TRHDE: variants seen among roughly 807,000 people sequenced by gnomAD.
TRHDE encodes the protein thyrotropin-releasing hormone-degrading ectoenzyme.
A neutral mutation model predicts 125.7 loss-of-function variants in TRHDE; 72 were observed. The ratio of observed to expected loss-of-function variants is 0.57; its 90% CI spans 0.47 to 0.70. TRHDE has a LOEUF of 0.70. Among genes scored for constraint, TRHDE ranks in the 30% least tolerant of loss-of-function variants. The pLI is 0.00. For missense variants in TRHDE, 1,110 were observed against 1,327.1 expected (o/e 0.84, Z 2.54); for synonymous variants, 509 against 509.1 (o/e 1.00, Z 0.00).
rs11446527 is a variant in TRHDE at position 72,594,502 on chromosome 12, G to GTTTTT, written c.2321+18972_2321+18976dup. Among the ~76,000 whole-genome samples, 7 of 136,012 alleles carry GTTTTT rather than the reference G, an allele frequency of 5.1e-5. 1 individual carries two copies. In the East Asian group the frequency reaches 1.1e-3, roughly 21 times the overall value. 89.2% of individuals were successfully genotyped at this position (136,012 alleles called of 152,430 possible). A position where few individuals can be genotyped will look rare whatever the true frequency, so the allele number is the denominator to read the frequency against. Reference sequence around the variant, plus strand: ...TAAAGCTCTGGGATTACAGATGTGAGTTTTTTTTTTTTTTTTAATATTACT... The same window carrying GTTTTT: ...TAAAGCTCTGGGATTACAGATGTGAGTTTTTTTTTTTTTTTTTTTTTAATATTACT... On this transcript the variant is annotated intron_variant, in intron 12 of 18. Coordinates refer to ENST00000261180, the MANE Select transcript of TRHDE (RefSeq NM_013381.3).
chr12:72,247,703 C>T (rs527660402), intron 2 of TRHDE, among the ~76,000 whole-genome samples: 2 of 152,264 alleles, frequency 1.3e-5, no homozygotes, highest in African/African-American at 4.8e-5. Flanking sequence ...AAATATAATA[C>T]AATTATCACA....
chr12:72,175,294 AAGGTCCAGCCATG>A (rs748521112), intron 2 of TRHDE, among the ~76,000 whole-genome samples: 7 of 152,224 alleles, frequency 4.6e-5, no homozygotes, highest in Non-Finnish European at 1.0e-4. Context: ...TGATATCCTC[AAGGTCCAGCCATG>A]CTGTCCTACA....
chr12:72,136,481 A>AT (rs1446393317), intron 2 of TRHDE, among the ~76,000 whole-genome samples: 3 of 152,222 alleles, frequency 2.0e-5, no homozygotes, highest in Non-Finnish European at 4.4e-5. Flanking sequence ...CCATTGACCT[A>AT]TAAGCAGGTG....
intron 1 of TRHDE, among the ~76,000 whole-genome samples, chr12:72,104,008 C>T (rs942199041): frequency 1.3e-5 from 2 of 152,066 alleles, no homozygotes; most frequent in African/African-American, 4.8e-5. Flanking sequence ...TTCTCTGTGA[C>T]TTCTGACCTC....
At chr12:72,576,398 C>G (rs935963018) in intron 12 of TRHDE, among the ~76,000 whole-genome samples, 43 of 151,914 alleles carry the variant, frequency 2.8e-4, no homozygotes, top group African/African-American at 9.9e-4. Context: ...TTTCATGGGA[C>G]CTGAAACTGC....
chr12:72,399,205 A>G (rs1872932203), intron 3 of TRHDE, among the ~76,000 whole-genome samples: 1 of 152,206 alleles, frequency 6.6e-6, no homozygotes, highest in African/African-American at 2.4e-5. Context: ...ATTATCTTCC[A>G]CAAAACTGGT....
At chr12:72,486,061 G>A (rs1166137770) in intron 5 of TRHDE, among the ~76,000 whole-genome samples, 1 of 152,116 alleles carries the variant, frequency 6.6e-6, no homozygotes, top group Non-Finnish European at 1.5e-5. Flanking sequence ...CTGCATTGCT[G>A]CTGTATCCTG....
chr12:72,580,861 T>C (rs1871193356), intron 12 of TRHDE, among the ~76,000 whole-genome samples: 1 of 152,230 alleles, frequency 6.6e-6, no homozygotes, highest in African/African-American at 2.4e-5. Flanking sequence ...GGAAGATGCA[T>C]GGTACGTAAC....
chr12:72,238,299 TATATATATATATATATATATATAC>T (rs1307367685), intron 2 of TRHDE, among the ~76,000 whole-genome samples: 18 of 33,322 alleles, frequency 5.4e-4, no homozygotes, highest in African/African-American at 1.7e-3. Flanking sequence ...TATATATATA[TATATATATATATATATATATATAC>T]ATATATATAT....
intron 7 of TRHDE, among the ~76,000 whole-genome samples, chr12:72,558,132 T>C (rs964502457): frequency 6.6e-6 from 1 of 152,044 alleles, no homozygotes; most frequent in Admixed American, 6.6e-5. Context: ...ACTGGCAGGA[T>C]CATTACTCTC....
At chr12:72,263,185 G>A (rs1878990504) in intron 2 of TRHDE, 1 of 152,036 alleles carries the variant, frequency 6.6e-6, no homozygotes, top group Non-Finnish European at 1.5e-5. Context: ...TCACCTATTT[G>A]TACATAGTTC....
intron 15 of TRHDE, among the ~76,000 whole-genome samples, chr12:72,639,430 C>T (rs1369605396): frequency 6.6e-6 from 1 of 152,128 alleles, no homozygotes; most frequent in Admixed American, 6.5e-5. Flanking sequence ...AAGTTTTAAA[C>T]TTCTTTGCCT....
intron 5 of TRHDE, among the ~76,000 whole-genome samples, chr12:72,480,131 A>G (rs1418081641): frequency 2.6e-5 from 4 of 152,008 alleles, no homozygotes; most frequent in South Asian, 2.1e-4. Context: ...ATACGTGTGC[A>G]TGTGTCTTCA....
At chr12:72,312,772 G>A (rs773378972) in intron 2 of TRHDE, among the ~76,000 whole-genome samples, 2 of 152,164 alleles carry the variant, frequency 1.3e-5, no homozygotes, top group African/African-American at 4.8e-5. Context: ...CATCAGCTTC[G>A]TAGATTATAA....
intron 17 of TRHDE, among the ~76,000 whole-genome samples, chr12:72,655,010 C>T (rs570871062): frequency 2.5e-4 from 38 of 152,192 alleles, no homozygotes; most frequent in South Asian, 8.3e-4. Flanking sequence ...ATTTTGTCAG[C>T]GTCTTGTTCT....
chr12:72,345,592 GAAAATATA>G (rs758065134), intron 2 of TRHDE, among the ~76,000 whole-genome samples: 1 of 152,080 alleles, frequency 6.6e-6, no homozygotes, highest in Non-Finnish European at 1.5e-5. Flanking sequence ...CAAAATTTCT[GAAAATATA>G]ACAATGGACT....
At chr12:72,550,558 A>G (rs1312091367) in intron 7 of TRHDE, among the ~76,000 whole-genome samples, 1 of 152,026 alleles carries the variant, frequency 6.6e-6, no homozygotes, top group African/African-American at 2.4e-5. Flanking sequence ...ATATTTTTAT[A>G]ATTGCTTGAC....
At chr12:72,119,413 T>C (rs1428303936) in intron 2 of TRHDE, among the ~76,000 whole-genome samples, 2 of 152,202 alleles carry the variant, frequency 1.3e-5, no homozygotes, top group Admixed American at 1.3e-4. Flanking sequence ...CTTTATACTA[T>C]TTGAATTTTT....
intron 2 of TRHDE, among the ~76,000 whole-genome samples, chr12:72,210,636 T>TAAAAGGAG (rs1283503234): frequency 2.6e-5 from 4 of 152,214 alleles, no homozygotes; most frequent in Admixed American, 2.6e-4. Context: ...TACGACTGGT[T>TAAAAGGAG]AAAAGGAGAA....
Sources: allele counts gnomAD v4.1 joint callset (sites outside exome capture counted in the v4.1 genomes callset), GRCh38; gene constraint gnomAD v4.1.1; transcripts MANE v1.5; gene names NCBI Gene and HGNC (gene_info 2026-07-23, HGNC 2026-07-21).